The following KPNA7 variants were observed in gnomAD, a reference collection of about 807,000 sequenced individuals.
The protein encoded by KPNA7 is importin subunit alpha-8.
Under a neutral mutation model 53.7 loss-of-function variants are expected in KPNA7, and 54 were observed. The ratio of observed to expected loss-of-function variants is 1.01; its 90% CI spans 0.81 to 1.26. KPNA7 has a LOEUF of 1.26. Among genes scored for constraint, KPNA7 ranks in the 50% most tolerant of loss-of-function variants. The probability of loss-of-function intolerance (pLI) is 0.00; values close to 1 mark genes in which losing one functional copy is unlikely to be tolerated. For synonymous variants in KPNA7, 276 were observed against 259.3 expected (o/e 1.06, Z -0.62); for missense variants, 640 against 644.5 (o/e 0.99, Z 0.07).
chr7:99,161,089 T>A, the KPNA7 span, among the ~76,000 whole-genome samples: 19 of 152,192 alleles, frequency 1.2e-4, no homozygotes, highest in Admixed American at 2.6e-4. Flanking sequence ...CTCGAGCTCC[T>A]AACCTCAAGT....
intron 3 of KPNA7, 114 bp from the exon 4 acceptor site, chr7:99,196,280 A>C: frequency 1.4e-6 from 1 of 694,116 alleles, no homozygotes. Flanking sequence ...AGGATGTCCC[A>C]TCTTGCATGC....
At chr7:99,179,866 GC>G (rs1393485566) in intron 9 of KPNA7, among the ~76,000 whole-genome samples, 2 of 151,944 alleles carry the variant, frequency 1.3e-5, no homozygotes, top group Admixed American at 1.3e-4. Context: ...AAGCCACCAT[GC>G]CCAGCCAAAA....
chr7:99,184,904 C>A (rs966436603), intron 8 of KPNA7, 25 bp downstream of exon 8: 8 of 1,540,696 alleles, frequency 5.2e-6, no homozygotes, highest in Non-Finnish European at 7.0e-6. Context: ...AGTCCTTTGC[C>A]ATGGTTGCTG....
the KPNA7 span, among the ~76,000 whole-genome samples, chr7:99,149,327 G>A: frequency 6.6e-6 from 1 of 152,160 alleles, no homozygotes; most frequent in Admixed American, 6.5e-5. Context: ...AAAAGAGGAA[G>A]ACTATGACCC....
At chr7:99,194,789 G>C (rs1790141806) in intron 5 of KPNA7, among the ~76,000 whole-genome samples, 2 of 152,126 alleles carry the variant, frequency 1.3e-5, no homozygotes, top group African/African-American at 4.8e-5. Context: ...ATATTTAGTA[G>C]AGACGGGGTT....
At chr7:99,158,055 T>C in the KPNA7 span, among the ~76,000 whole-genome samples, 4,020 of 152,102 alleles carry the variant, frequency 0.026, 161 homozygotes, top group African/African-American at 0.089. Flanking sequence ...ATTTGGCTAA[T>C]TTTTTACTTT....
chr7:99,194,220 G>A (rs865925748), intron 5 of KPNA7, among the ~76,000 whole-genome samples: 19 of 152,140 alleles, frequency 1.2e-4, no homozygotes, highest in Non-Finnish European at 2.2e-4. Context: ...GGGGGCTTCC[G>A]ACCCTACAGC....
Position 99,193,094 on chromosome 7 carries a change from G to T in KPNA7, c.561C>A (p.Gly187=). 3 of 1,492,122 alleles carry T rather than the reference G, an allele frequency of 2.0e-6. No individual in the cohort carries two copies. Among genetic ancestry groups the T allele is most frequent in the African/African-American group, 1.4e-5 (1 of 69,712 alleles). The allele number at this position is 1,492,122 out of a possible 1,614,324, so 92.4% of individuals were successfully genotyped here. A position where few individuals can be genotyped will look rare whatever the true frequency, so the allele number is the denominator to read the frequency against. ...TGATGACGTTATCTCTGAACTCTGG[G>T]CCATCACCTACAAATAGAGCAGAAT... ...VWALGNIAGD[G]PEFRDNVITS... The change falls in exon 6 of 11, where the codon GGC becomes GGA. Residue 187 remains glycine, a synonymous_variant. Coordinates refer to ENST00000327442, the MANE Select transcript of KPNA7 (RefSeq NM_001145715.3).
chr7:99,205,314 A>T (rs1790742205), intron 2 of KPNA7, among the ~76,000 whole-genome samples: 1 of 138,114 alleles, frequency 7.2e-6, no homozygotes, highest in African/African-American at 2.7e-5. Context: ...TGGTAGGCTG[A>T]GGCAGGAGAA....
rs1798814183 is a variant in KPNA7 at position 99,173,775 on chromosome 7, G to T, written c.1484C>A (p.Thr495Asn). Residue 495 changes from threonine to asparagine, a missense_variant, in exon 11 of 11, where the codon ACT becomes AAT. Physicochemically the swap from Thr to Asn is moderately conservative, Grantham distance 65. Coordinates refer to ENST00000327442, the MANE Select transcript of KPNA7 (RefSeq NM_001145715.3). Reference sequence around the variant, plus strand: ...TTGGTCTATGACTTGGCTCAGTAAAGTTTGGCTCTCATCTTCTTCCTTCAG... The same window carrying T: ...TTGGTCTATGACTTGGCTCAGTAAATTTTGGCTCTCATCTTCTTCCTTCAG... ...HFGEEEDESQ[T>N]LLSQVIDQDY... 6 of 1,550,278 alleles carry T rather than the reference G, an allele frequency of 3.9e-6. No homozygotes were observed. Among genetic ancestry groups the T allele is most frequent in the Non-Finnish European group, 5.2e-6 (6 of 1,145,584 alleles).
chr7:99,177,085 T>C (rs75288537), intron 10 of KPNA7, among the ~76,000 whole-genome samples: 1,712 of 152,276 alleles, frequency 0.011, 34 homozygotes, highest in African/African-American at 0.039. Flanking sequence ...CACGGATGAA[T>C]CTTGAAGATG....
At chr7:99,174,142 C>T (rs1798823616) in intron 10 of KPNA7, among the ~76,000 whole-genome samples, 1 of 152,192 alleles carries the variant, frequency 6.6e-6, no homozygotes, top group Non-Finnish European at 1.5e-5. Context: ...GCATTCCCAC[C>T]TGAGCTCTGC....
At chr7:99,199,810 GAATAT>G (rs1790418947) in intron 3 of KPNA7, among the ~76,000 whole-genome samples, 1 of 151,774 alleles carries the variant, frequency 6.6e-6, no homozygotes, top group African/African-American at 2.4e-5. Flanking sequence ...CCACAGAACA[GAATAT>G]ATTTGCAAGT....
chr7:99,171,916 T>C (rs1414664716), downstream of KPNA7, among the ~76,000 whole-genome samples: 1 of 152,164 alleles, frequency 6.6e-6, no homozygotes, highest in African/African-American at 2.4e-5. Context: ...GGCTGGAGCA[T>C]GACAGAGCTC....
chr7:99,176,008 A>G (rs746761949), intron 10 of KPNA7, among the ~76,000 whole-genome samples: 5 of 152,132 alleles, frequency 3.3e-5, no homozygotes, highest in African/African-American at 7.2e-5. Context: ...CCTCATATGA[A>G]AAATTTCTGC....
intron 8 of KPNA7, among the ~76,000 whole-genome samples, chr7:99,182,399 T>C (rs1412436995): frequency 6.6e-6 from 1 of 152,142 alleles, no homozygotes; most frequent in Non-Finnish European, 1.5e-5. Context: ...GGTTTCACCA[T>C]GTTGGCCAGG....
chr7:99,195,000 C>G, intron 5 of KPNA7, 70 bp downstream of exon 5: 1 of 1,488,812 alleles, frequency 6.7e-7, no homozygotes, highest in Admixed American at 2.2e-5. Context: ...TACCCCACCA[C>G]CCAAAGAAAC....
the KPNA7 span, among the ~76,000 whole-genome samples, chr7:99,152,709 T>C: frequency 1.3e-5 from 2 of 152,234 alleles, no homozygotes; most frequent in African/African-American, 4.8e-5. Context: ...GTTCTGTCTC[T>C]ACAAGCCGCA....
intron 3 of KPNA7, among the ~76,000 whole-genome samples, chr7:99,197,146 G>A (rs1790270385): frequency 6.6e-6 from 1 of 152,222 alleles, no homozygotes; most frequent in Admixed American, 6.5e-5. Context: ...CTGCCTGGCT[G>A]AGTGGTGAAC....
Sources: allele counts gnomAD v4.1 joint callset (sites outside exome capture counted in the v4.1 genomes callset), GRCh38; gene constraint gnomAD v4.1.1; transcripts MANE v1.5; gene names NCBI Gene and HGNC (gene_info 2026-07-23, HGNC 2026-07-21).